Variants in USP10 observed in about 807,000 individuals in gnomAD.
USP10 encodes the protein ubiquitin specific peptidase 10.
Under a neutral mutation model 84.5 loss-of-function variants are expected in USP10, and 22 were observed. The ratio of observed to expected loss-of-function variants is 0.26; its 90% CI spans 0.19 to 0.37. USP10 has a LOEUF of 0.37. USP10 is among the 10% of genes least tolerant of loss of function. The probability of loss-of-function intolerance (pLI) is 1.00; values close to 1 mark genes in which losing one functional copy is unlikely to be tolerated. For synonymous variants in USP10, 454 were observed against 387.6 expected (o/e 1.17, Z -2.01); for missense variants, 1,019 against 998.9 (o/e 1.02, Z -0.27).
chr16:84,775,675 C>G (rs964114540), intron 13 of USP10, among the ~76,000 whole-genome samples: 2 of 152,138 alleles, frequency 1.3e-5, no homozygotes, highest in African/African-American at 2.4e-5. Context: ...GAGGGTGGGC[C>G]CGATTACACA....
intron 1 of USP10, chr16:84,704,663 A>T: frequency 1.4e-6 from 2 of 1,440,090 alleles, no homozygotes; most frequent in Non-Finnish European, 1.8e-6. Context: ...AAAATGTAGA[A>T]TTTATCATAA....
intron 7 of USP10, 78 bp downstream of exon 7, chr16:84,760,024 A>C: frequency 1.3e-6 from 2 of 1,568,852 alleles, no homozygotes; most frequent in East Asian, 4.5e-5. Context: ...TGGTAAATTC[A>C]GTCTTGTTGG....
At chr16:84,761,385 G>C (rs1421011141) in intron 8 of USP10, among the ~76,000 whole-genome samples, 1 of 152,216 alleles carries the variant, frequency 6.6e-6, no homozygotes, top group African/African-American at 2.4e-5. Flanking sequence ...CTGAGGTTGG[G>C]TGATTCACTG....
rs530781125 is a variant in USP10, at chr16:84,725,750, C to A, written c.22-7685C>A. Reference sequence around the variant, plus strand: ...CCGTGTTTCTTAATCCTTTTTAGATCCAAGAGATCCTTTTGGAGATGGGAA... The same window carrying A: ...CCGTGTTTCTTAATCCTTTTTAGATACAAGAGATCCTTTTGGAGATGGGAA... On this transcript the variant is annotated intron_variant, in intron 1 of 13. Transcript: ENST00000219473. Among the ~76,000 whole-genome samples the A allele has an allele frequency of 5.3e-5, 8 of 152,286 alleles. No individual in the cohort carries two copies. The East Asian group carries it at 1.3e-3, about 26-fold the overall frequency.
intron 1 of USP10, among the ~76,000 whole-genome samples, chr16:84,713,752 C>T (rs1597280729): frequency 6.6e-6 from 1 of 152,068 alleles, no homozygotes; most frequent in East Asian, 1.9e-4. Flanking sequence ...CAGGAGAGTC[C>T]CCGGGGACAC....
At chr16:84,703,006 A>AG (rs1905087401) in intron 1 of USP10, among the ~76,000 whole-genome samples, 1 of 150,712 alleles carries the variant, frequency 6.6e-6, no homozygotes, top group South Asian at 2.1e-4. Context: ...AAAAAAAAAA[A>AG]AAAAAAAGAG....
intron 1 of USP10, among the ~76,000 whole-genome samples, chr16:84,710,906 C>G (rs1906198619): frequency 6.6e-6 from 1 of 152,080 alleles, no homozygotes; most frequent in Admixed American, 6.6e-5. Flanking sequence ...ACTTGTTGAG[C>G]CCTTTCGCAT....
intron 10 of USP10, among the ~76,000 whole-genome samples, chr16:84,766,759 T>C (rs1207788553): frequency 6.6e-6 from 1 of 152,208 alleles, no homozygotes; most frequent in Non-Finnish European, 1.5e-5. Flanking sequence ...GAGGGGTCTC[T>C]GTGTTGAAAT....
At position 84,745,095 on chromosome 16, in the gene USP10, C is replaced by G. The variant is rs372065559; in HGVS notation, c.614C>G (p.Thr205Arg). 6.2e-7 allele frequency: 1 copy of G among 1,613,642 alleles called. No individual in the cohort carries two copies. The highest frequency in any genetic ancestry group is 1.7e-5 in the Admixed American group (1 of 59,996). ...ATGGGTGACATGCCCCCGTCAGTTA[C>G]GCCCAGGACTTGTAACAGCCCCCAG... is the stretch of plus-strand genomic sequence containing the variant. ...EFMGDMPPSV[T>R]PRTCNSPQNS... The change falls in exon 4 of 14, where the codon ACG becomes AGG. Residue 205 changes from threonine to arginine, a missense_variant. By Grantham distance (71) the Thr-to-Arg change is moderately conservative. Transcript: ENST00000219473.
At chr16:84,767,667 G>A (rs963610098) in intron 10 of USP10, among the ~76,000 whole-genome samples, 1 of 152,204 alleles carries the variant, frequency 6.6e-6, no homozygotes, top group Non-Finnish European at 1.5e-5. Context: ...AAAGAATTTG[G>A]AAAATGAAAT....
intron 1 of USP10, among the ~76,000 whole-genome samples, chr16:84,700,962 T>C (rs1904793744): frequency 1.3e-5 from 2 of 152,272 alleles, no homozygotes; most frequent in South Asian, 4.2e-4. Context: ...CGGCATGATG[T>C]ATTATTTGTC....
Position 84,700,120 on chromosome 16 carries a change from C to T in USP10, c.21+9C>T, listed in dbSNP as rs754309906. On this transcript the variant is annotated intron_variant, in intron 1 of 13. Coordinates refer to ENST00000219473, the MANE Select transcript of USP10 (RefSeq NM_005153.3). ...CCCTCCACAGCCCGCAGGTAGCCGC[C>T]GGTCTGCGCCTTCGGCCGGAAGGGG... 11 of 1,341,860 alleles carry T rather than the reference C, an allele frequency of 8.2e-6. No individual in the cohort carries two copies. In the Middle Eastern group the frequency reaches 1.1e-3, roughly 139 times the overall value. The allele number at this position is 1,341,860 out of a possible 1,614,324, so 83.1% of individuals were successfully genotyped here. A position where few individuals can be genotyped will look rare whatever the true frequency, so the allele number is the denominator to read the frequency against.
chr16:84,734,922 G>A (rs933350215), intron 2 of USP10, among the ~76,000 whole-genome samples: 2 of 152,192 alleles, frequency 1.3e-5, no homozygotes, highest in African/African-American at 4.8e-5. Context: ...TGTCAGCCCC[G>A]TTGGGCAGTG....
intron 1 of USP10, among the ~76,000 whole-genome samples, chr16:84,718,852 G>C (rs2150774733): frequency 6.6e-6 from 1 of 151,838 alleles, no homozygotes; most frequent in Non-Finnish European, 1.5e-5. Flanking sequence ...GAGTGCAGTG[G>C]TGCAGTCTCA....
chr16:84,702,993 C>CAAAAAAAAA (rs1157728872), intron 1 of USP10, among the ~76,000 whole-genome samples: 1,237 of 51,642 alleles, frequency 0.024, 90 homozygotes, highest in Non-Finnish European at 0.03. Context: ...ACTCCCGTCT[C>CAAAAAAAAA]AAAAAAAAAA....
intron 1 of USP10, chr16:84,716,551 G>A (rs1342743068): frequency 6.6e-6 from 1 of 152,210 alleles, no homozygotes; most frequent in Non-Finnish European, 1.5e-5. Context: ...TATGAACAGT[G>A]CTTTGGCAGA....
At chr16:84,768,434 A>T in intron 11 of USP10, 76 bp downstream of exon 11, 1 of 1,381,272 alleles carries the variant, frequency 7.2e-7, no homozygotes, top group Non-Finnish European at 9.6e-7. Flanking sequence ...ATTAGGAATG[A>T]GGGGAAATGG....
intron 6 of USP10, 72 bp downstream of exon 6, chr16:84,759,544 T>C (rs1216463316): frequency 1.4e-6 from 2 of 1,380,658 alleles, no homozygotes; most frequent in African/African-American, 1.4e-5. Context: ...TGAAATAGTT[T>C]AGTAAAGCTC....
intron 1 of USP10, among the ~76,000 whole-genome samples, chr16:84,719,329 C>T (rs556942055): frequency 6.6e-6 from 1 of 152,190 alleles, no homozygotes. Flanking sequence ...TCTCCCACCT[C>T]CTCAGTTGCC....
Sources: gnomAD v4.1 joint callset for allele counts (sites outside exome capture counted in the v4.1 genomes callset) on GRCh38, gnomAD v4.1.1 for gene constraint, MANE v1.5 for transcripts, NCBI Gene and HGNC (gene_info 2026-07-23, HGNC 2026-07-21) for gene names.